The following SMTN variants were observed in gnomAD, a reference collection of about 807,000 sequenced individuals.
SMTN encodes the protein smoothelin.
A neutral mutation model predicts 102.0 loss-of-function variants in SMTN; 58 were observed. The observed-to-expected ratio is 0.57, with a 90% CI of 0.46 to 0.71. The LOEUF is 0.71. Among genes scored for constraint, SMTN ranks in the 30% least tolerant of loss-of-function variants. SMTN has a pLI of 0.00. For synonymous variants in SMTN, 478 were observed against 497.9 expected (o/e 0.96, Z 0.53); for missense variants, 1,185 against 1,241.7 (o/e 0.95, Z 0.69).
rs756557096 is a variant in SMTN, at chr22:31,091,818, C to T, written c.1603C>T (p.Pro535Ser). ...THVTSFSHAP[P>S]SSRGGCSIKM... is the part of the protein sequence containing the mutation. ...TGTCACCAGCTTCAGCCATGCCCCC[C>T]CCAGTAGCCGAGGAGGCTGCAGCAT... The change falls in exon 11 of 21, where the codon CCC (proline) becomes TCC (serine). Residue 535 changes from proline (P) to serine (S), a missense_variant. Transcript: ENST00000333137. 2.6e-5 allele frequency: 41 copies of T among 1,601,486 alleles called. No individual in the cohort carries two copies. Among genetic ancestry groups the T allele is most frequent in the Non-Finnish European group, 3.4e-5 (40 of 1,173,312 alleles).
At chr22:31,075,419 C>T (rs369379168) in intron 1 of SMTN, among the ~76,000 whole-genome samples, 11 of 152,092 alleles carry the variant, frequency 7.2e-5, no homozygotes, top group South Asian at 2.1e-4. Context: ...CGGCCAGGCG[C>T]GGTGTAATCC....
chr22:31,100,301 C>T (rs1231602513), intron 19 of SMTN, among the ~76,000 whole-genome samples: 3 of 152,174 alleles, frequency 2.0e-5, no homozygotes, highest in Admixed American at 6.5e-5. Context: ...GCACCGTGCC[C>T]GCCCAGCCTA....
At chr22:31,100,090 C>T (rs2043951050) in intron 19 of SMTN, among the ~76,000 whole-genome samples, 194 bp downstream of exon 19, 1 of 151,848 alleles carries the variant, frequency 6.6e-6, no homozygotes, top group Admixed American at 6.5e-5. Context: ...AGGTGCCCGC[C>T]GGAACGAAGG....
chr22:31,099,659 T>C, intron 18 of SMTN, 86 bp from the exon 19 acceptor site: 1 of 1,479,698 alleles, frequency 6.8e-7, no homozygotes, highest in Non-Finnish European at 9.2e-7. Context: ...CCCAGTGCCC[T>C]AGGTCTGGAA....
chr22:31,073,387 C>T (rs945057861), intron 1 of SMTN, among the ~76,000 whole-genome samples: 2 of 152,096 alleles, frequency 1.3e-5, no homozygotes, highest in Non-Finnish European at 2.9e-5. Context: ...ATTTTTCCTG[C>T]AGTTAGTAGA....
chr22:31,075,282 A>C (rs898054464), intron 1 of SMTN, among the ~76,000 whole-genome samples: 1 of 152,182 alleles, frequency 6.6e-6, no homozygotes, highest in Admixed American at 6.5e-5. Context: ...GGGAAAATAC[A>C]AAGAAAGTGC....
At chr22:31,099,564 C>G (rs1472376447) in intron 18 of SMTN, 181 bp from the exon 19 acceptor site, 3 of 659,940 alleles carry the variant, frequency 4.5e-6, no homozygotes, top group South Asian at 2.0e-5. Context: ...CTTGAAATTG[C>G]AAATATGGGA....
At chr22:31,091,949 A>G in intron 11 of SMTN, 102 bp downstream of exon 11, 1 of 1,145,384 alleles carries the variant, frequency 8.7e-7, no homozygotes. Context: ...CCCCTACTGC[A>G]CACACAGAGA....
At chr22:31,073,011 C>CTT (rs59040826) in intron 1 of SMTN, among the ~76,000 whole-genome samples, 21 of 85,662 alleles carry the variant, frequency 2.5e-4, no homozygotes, top group African/African-American at 5.6e-4. Context: ...CTCTCTCTCT[C>CTT]TTTTTTTTTT....
intron 20 of SMTN, 172 bp downstream of exon 20, chr22:31,101,221 C>T: frequency 1.6e-6 from 1 of 627,884 alleles, no homozygotes; most frequent in South Asian, 2.1e-5. Context: ...TGAGACCATT[C>T]TAAATGGGCA....
chr22:31,097,834 C>G (rs778630368), intron 16 of SMTN, among the ~76,000 whole-genome samples: 1 of 152,152 alleles, frequency 6.6e-6, no homozygotes, highest in African/African-American at 2.4e-5. Context: ...ATCCTGCTCT[C>G]CTTGGGATCT....
At chr22:31,067,169 T>C (rs568531130) in intron 1 of SMTN, 1 of 151,860 alleles carries the variant, frequency 6.6e-6, no homozygotes, top group East Asian at 1.9e-4. Context: ...CTTAAACTCC[T>C]GGGCTAAAAC....
In SMTN at chr22:31,091,232, C is replaced by A. The variant is rs758767153; in HGVS notation, c.1209C>A (p.Pro403=). 1 of 1,609,480 alleles carries A rather than the reference C, an allele frequency of 6.2e-7. No homozygotes were observed. The change falls in exon 10 of 21, where the codon CCC becomes CCA. Residue 403 remains proline, a synonymous_variant. Coordinates refer to ENST00000333137, the MANE Select transcript of SMTN (RefSeq NM_134269.3). ...AGGAGCAACGAGGAGTAGCCCAGCC[C>A]CTGGCCCAGCTTCGAAGCTGCCCCC... ...FSKEQRGVAQ[P]LAQLRSCPQE... is the part of the protein sequence containing the mutation.
intron 4 of SMTN, 42 bp downstream of exon 4, chr22:31,088,648 G>T: frequency 6.2e-7 from 1 of 1,612,476 alleles, no homozygotes; most frequent in Non-Finnish European, 8.5e-7. Flanking sequence ...CAGGGCAGGT[G>T]AAGACCTGGA....
At chr22:31,093,360 C>G (rs2043284584) in intron 11 of SMTN, 1 of 351,326 alleles carries the variant, frequency 2.8e-6, no homozygotes, top group South Asian at 2.5e-5. Flanking sequence ...TGCCCTCGGA[C>G]CAGCTGCAAA....
At chr22:31,085,147 C>A (rs953069987) in intron 2 of SMTN, 1 of 1,535,390 alleles carries the variant, frequency 6.5e-7, no homozygotes, top group Non-Finnish European at 8.7e-7. Context: ...CCCTCTGCCT[C>A]GGTCCCGAGT....
upstream of SMTN, among the ~76,000 whole-genome samples, chr22:31,077,286 G>A (rs553454720): frequency 6.6e-6 from 1 of 152,026 alleles, no homozygotes; most frequent in East Asian, 1.9e-4. Context: ...GCACGTGTCT[G>A]TAGTCCCACT....
chr22:31,087,956 C>A lies in SMTN; in HGVS notation c.52-9C>A. 1 of 1,579,574 alleles carries A rather than the reference C, an allele frequency of 6.3e-7. No homozygotes were observed. The highest frequency in any genetic ancestry group is 1.1e-5 in the South Asian group (1 of 88,090). On this transcript the variant is annotated splice_polypyrimidine_tract_variant and intron_variant, in intron 2 of 20. Transcript: ENST00000333137. ...AGCCAAAATGACCTGCCTCTCGCAC[C>A]CACTGCAGCTGGAGGTCACAGCAGA...
intron 16 of SMTN, 61 bp from the exon 17 acceptor site, chr22:31,098,606 T>C: frequency 6.5e-7 from 1 of 1,538,876 alleles, no homozygotes; most frequent in Non-Finnish European, 8.9e-7. Flanking sequence ...TCGCGAGTGG[T>C]GGTCCAGGCT....
Sources: allele counts gnomAD v4.1 joint callset (sites outside exome capture counted in the v4.1 genomes callset), GRCh38; gene constraint gnomAD v4.1.1; transcripts MANE v1.5; gene names NCBI Gene and HGNC (gene_info 2026-07-23, HGNC 2026-07-21).